TDRD9: variants seen among roughly 807,000 people sequenced by gnomAD.
TDRD9 encodes tudor domain containing 9.
Under a neutral mutation model 172.6 loss-of-function variants are expected in TDRD9, and 124 were observed. The ratio of observed to expected loss-of-function variants is 0.72; its 90% confidence interval spans 0.62 to 0.83. The LOEUF is 0.83. TDRD9 is among the 40% of genes least tolerant of loss of function. TDRD9 has a pLI of 0.00. For missense variants in TDRD9, 1,479 were observed against 1,714.1 expected (o/e 0.86, Z 2.42); for synonymous variants, 619 against 617.1 (o/e 1.00, Z -0.05).
intron 5 of TDRD9, 107 bp downstream of exon 5, chr14:103,966,938 T>C: frequency 1.8e-6 from 2 of 1,090,700 alleles, no homozygotes; most frequent in South Asian, 3.0e-5. Context: ...CTTTATTTTT[T>C]CCTTCCCCTT....
chr14:104,035,058 T>G lies in TDRD9; in HGVS notation c.3716+2T>G. 4 of 1,550,884 alleles carry G rather than the reference T, an allele frequency of 2.6e-6. No homozygotes were observed. Among genetic ancestry groups the G allele is most frequent in the Non-Finnish European group, 3.5e-6 (4 of 1,146,384 alleles). ...ATTCGCACCGGTGATAGAGTTAAGG[T>G]ACGGGCATCCCTCTTGTCTATAGGC... On this transcript the variant is annotated splice_donor_variant, in intron 32 of 35. Coordinates refer to ENST00000409874, the MANE Select transcript of TDRD9 (RefSeq NM_153046.3). LOFTEE classifies it high-confidence loss of function.
At position 104,014,748 on chromosome 14, in the gene TDRD9, G is replaced by A; in HGVS notation, c.2130G>A (p.Leu710=). 1 of 1,609,922 alleles carries A rather than the reference G, an allele frequency of 6.2e-7. No homozygotes were observed. Among genetic ancestry groups the A allele is most frequent in the Admixed American group, 1.7e-5 (1 of 59,968 alleles). ...AGGTGGCTGAATTATATGAAGAATT[G>A]AAGACTAGAATCTCACAGTTCAACA... ...IREVAELYEE[L]KTRISQFNMH... The change falls in exon 21 of 36, where the codon TTG becomes TTA. Residue 710 remains leucine, a synonymous_variant. Coordinates refer to ENST00000409874, the MANE Select transcript of TDRD9 (RefSeq NM_153046.3).
rs1447946934 is a variant in TDRD9 at position 103,949,718 on chromosome 14, C to T, written c.216-5946C>T. ...TTTTTGAAACAGGGTCTCACTCAGT[C>T]GCCCATGCTGGAGTGCCATGGCAGG... is the stretch of plus-strand genomic sequence containing the variant. On this transcript the variant is annotated intron_variant, in intron 1 of 35. Coordinates refer to ENST00000409874, the MANE Select transcript of TDRD9 (RefSeq NM_153046.3). 5.9e-5 allele frequency among the ~76,000 whole-genome samples: 9 copies of T among 152,322 alleles called. No homozygotes were observed. The East Asian group carries it at 7.7e-4, about 13-fold the overall frequency.
chr14:104,023,184 C>CAAAAAAAAAAAA (rs10661391), intron 24 of TDRD9, among the ~76,000 whole-genome samples: 11 of 64,456 alleles, frequency 1.7e-4, no homozygotes, highest in African/African-American at 7.2e-4. Flanking sequence ...GACTCCGTCT[C>CAAAAAAAAAAAA]AAAAAAAAAA....
At position 103,986,331 on chromosome 14, in the gene TDRD9, C is replaced by A. The variant is rs532865336; in HGVS notation, c.1115+11C>A. The stretch of plus-strand genomic sequence containing the variant: ...TATGAAGGAGAGTGGGTAAGAGATA[C>A]TTCAGTTGGTAATGCACTTTAATGT... On this transcript the variant is annotated intron_variant, in intron 8 of 35. Coordinates refer to ENST00000409874, the MANE Select transcript of TDRD9 (RefSeq NM_153046.3). 12 of 1,572,744 alleles carry A rather than the reference C, an allele frequency of 7.6e-6. No individual in the cohort carries two copies. In the Admixed American group the frequency reaches 2.1e-4, roughly 28 times the overall value.
intron 1 of TDRD9, among the ~76,000 whole-genome samples, chr14:103,930,642 G>C (rs879543379): frequency 1.3e-5 from 2 of 152,094 alleles, no homozygotes; most frequent in Non-Finnish European, 2.9e-5. Flanking sequence ...GCATAGGGGG[G>C]ACCGAGAGAC....
intron 19 of TDRD9, 140 bp from the exon 20 acceptor site, chr14:104,008,273 G>A (rs1040107703): frequency 3.4e-6 from 2 of 582,112 alleles, no homozygotes; most frequent in African/African-American, 1.9e-5. Flanking sequence ...TACCTGGAGA[G>A]GGAGTGCCAC....
In TDRD9 at chr14:103,995,764, C is replaced by T. The variant is rs765443707; in HGVS notation, c.1335C>T (p.Thr445=). The T allele has an allele frequency of 8.7e-6, 14 of 1,607,556 alleles. No homozygotes were observed. The highest frequency in any genetic ancestry group is 1.2e-5 in the Non-Finnish European group (14 of 1,177,270). Residue 445 remains threonine, a synonymous_variant, in exon 12 of 36, where the codon ACC becomes ACT. Transcript: ENST00000409874. ...ATGTTTAACAGATTATTCTGTCCACCAATATTGCAGAGAGTTCTGTCACAG... is the reference window on the plus strand; with the variant it reads ...ATGTTTAACAGATTATTCTGTCCACTAATATTGCAGAGAGTTCTGTCACAG... ...VPGYRKIILS[T]NIAESSVTVP...
At chr14:103,976,004 A>C (rs946955667) in intron 7 of TDRD9, among the ~76,000 whole-genome samples, 1 of 152,070 alleles carries the variant, frequency 6.6e-6, no homozygotes, top group Non-Finnish European at 1.5e-5. Context: ...ATCTAGCTAT[A>C]ATTTTCTGTC....
At position 103,994,508 on chromosome 14, in the gene TDRD9, T is replaced by C. The variant is rs1029219886; in HGVS notation, c.1236-11T>C. 3.1e-6 allele frequency: 5 copies of C among 1,612,708 alleles called. No homozygotes were observed. Among genetic ancestry groups the C allele is most frequent in the African/African-American group, 1.3e-5 (1 of 74,826 alleles). ...ATTCTTTATGGAGATTTTATTTTAG[T>C]AATTTCTTAGGTTGCAGGTCTATCC... On this transcript the variant is annotated splice_polypyrimidine_tract_variant and intron_variant, in intron 10 of 35. Coordinates refer to ENST00000409874, the MANE Select transcript of TDRD9 (RefSeq NM_153046.3).
chr14:103,940,673 A>G, intron 1 of TDRD9: 1 of 610,798 alleles, frequency 1.6e-6, no homozygotes, highest in South Asian at 2.2e-5. Context: ...AAAGAACACT[A>G]TTTAAAACAT....
chr14:103,998,150 A>T (rs922360930), intron 12 of TDRD9, among the ~76,000 whole-genome samples: 2 of 151,250 alleles, frequency 1.3e-5, no homozygotes, highest in Non-Finnish European at 2.9e-5. Flanking sequence ...GCACACCCAC[A>T]TGCACACTTC....
intron 8 of TDRD9, among the ~76,000 whole-genome samples, chr14:103,987,117 AATAT>A (rs374594027): frequency 1.5e-5 from 2 of 134,766 alleles, no homozygotes; most frequent in African/African-American, 5.8e-5. Context: ...CATCTCAAAA[AATAT>A]ATACACACAC....
chr14:103,974,550 G>T (rs2033160511), intron 6 of TDRD9, among the ~76,000 whole-genome samples: 1 of 152,186 alleles, frequency 6.6e-6, no homozygotes, highest in Non-Finnish European at 1.5e-5. Context: ...TTGAGTTGGA[G>T]CTAGAGTTTT....
At chr14:104,004,805 G>T (rs756403281) in intron 14 of TDRD9, among the ~76,000 whole-genome samples, 1 of 152,088 alleles carries the variant, frequency 6.6e-6, no homozygotes, top group Non-Finnish European at 1.5e-5. Flanking sequence ...TGTCTAGGGC[G>T]TTACCCACAT....
chr14:103,986,344 T>C (rs766986446), intron 8 of TDRD9, 24 bp downstream of exon 8: 1 of 1,484,096 alleles, frequency 6.7e-7, no homozygotes, highest in Non-Finnish European at 9.3e-7. Context: ...CAGTTGGTAA[T>C]GCACTTTAAT....
chr14:103,941,694 AT>A lies in TDRD9; in HGVS notation c.215+12975del, dbSNP rs1189167268. The A allele has an allele frequency of 4.7e-6, 7 of 1,501,660 alleles. No individual in the cohort carries two copies. In the East Asian group the frequency reaches 1.7e-4, roughly 37 times the overall value. The allele number at this position is 1,501,660 out of a possible 1,614,324, so 93.0% of individuals were successfully genotyped here. A position where few individuals can be genotyped will look rare whatever the true frequency, so the allele number is the denominator to read the frequency against. ...CCATTTCATCCAGCCAAAAAGTGGC[AT>A]TTTTAGCCTATGGAAATATTTTCAC... On this transcript the variant is annotated intron_variant, in intron 1 of 35. Transcript: ENST00000409874.
chr14:103,928,923 G>GT, intron 1 of TDRD9, 199 bp downstream of exon 1: 2 of 183,066 alleles, frequency 1.1e-5, no homozygotes, highest in Middle Eastern at 2.0e-3. Flanking sequence ...CTGAGCTAGA[G>GT]GTTTTTTTTT....
chr14:104,010,863 TG>T (rs2034592367), intron 20 of TDRD9, among the ~76,000 whole-genome samples: 1 of 152,260 alleles, frequency 6.6e-6, no homozygotes, highest in African/African-American at 2.4e-5. Context: ...ACTGTATTTT[TG>T]ATCCACATTT....
Sources: allele counts gnomAD v4.1 joint callset (sites outside exome capture counted in the v4.1 genomes callset), GRCh38; gene constraint gnomAD v4.1.1; transcripts MANE v1.5; gene names NCBI Gene and HGNC (gene_info 2026-07-23, HGNC 2026-07-21).